Variants in GRAMD1B observed in about 807,000 individuals in gnomAD.
The protein encoded by GRAMD1B is GRAM domain containing 1B.
Under a neutral mutation model 99.7 loss-of-function variants are expected in GRAMD1B, and 37 were observed. The ratio of observed to expected loss-of-function variants is 0.37; its 90% confidence interval spans 0.29 to 0.49. The LOEUF is 0.49. Ranked by LOEUF, GRAMD1B falls within the 20% of genes least tolerant of loss-of-function variation. The probability of loss-of-function intolerance (pLI) is 0.98; values close to 1 mark genes in which losing one functional copy is unlikely to be tolerated. For missense variants in GRAMD1B, 888 were observed against 1,009.2 expected, an observed-to-expected ratio of 0.88 and a Z score of 1.63; for synonymous variants, 427 against 387.6, an observed-to-expected ratio of 1.10 and a Z score of -1.19.
intron 2 of GRAMD1B, among the ~76,000 whole-genome samples, chr11:123,559,465 G>A (rs756592157): frequency 1.3e-5 from 2 of 152,134 alleles, no homozygotes; most frequent in African/African-American, 2.4e-5. Flanking sequence ...ATTGTGGTGG[G>A]AATGAAATGA....
chr11:123,374,512 C>T, intron 1 of GRAMD1B, among the ~76,000 whole-genome samples: 1 of 152,198 alleles, frequency 6.6e-6, no homozygotes, highest in South Asian at 2.1e-4. Flanking sequence ...AGCAGCCTAA[C>T]TCACGTCTAA....
At chr11:123,435,937 C>CTT (rs10647186) in intron 1 of GRAMD1B, among the ~76,000 whole-genome samples, 1,805 of 95,704 alleles carry the variant, frequency 0.019, 89 homozygotes, top group African/African-American at 0.04. Flanking sequence ...GAAACTCATA[C>CTT]TTTTTTTTTT....
chr11:123,562,537 G>A (rs564044638), intron 2 of GRAMD1B, among the ~76,000 whole-genome samples: 328 of 152,338 alleles, frequency 2.2e-3, no homozygotes, highest in Admixed American at 4.2e-3. Flanking sequence ...TATGGACTCT[G>A]AAATGTGGAT....
chr11:123,368,127 G>A (rs999992264), intron 1 of GRAMD1B, among the ~76,000 whole-genome samples: 4 of 151,916 alleles, frequency 2.6e-5, no homozygotes, highest in African/African-American at 9.7e-5. Context: ...GGTGGTGGAT[G>A]CCTGTGGTCC....
At chr11:123,368,134 G>A (rs1946383599) in intron 1 of GRAMD1B, among the ~76,000 whole-genome samples, 1 of 151,502 alleles carries the variant, frequency 6.6e-6, no homozygotes, top group Non-Finnish European at 1.5e-5. Context: ...GATGCCTGTG[G>A]TCCCAGCTGC....
intron 1 of GRAMD1B, among the ~76,000 whole-genome samples, chr11:123,438,338 C>A (rs903357936): frequency 6.6e-6 from 1 of 152,126 alleles, no homozygotes; most frequent in African/African-American, 2.4e-5. Context: ...ACTGCCCTAT[C>A]CCCCCAGGGC....
At chr11:123,435,710 A>C (rs1949127607) in intron 1 of GRAMD1B, 2 of 402,674 alleles carry the variant, frequency 5.0e-6, no homozygotes, top group African/African-American at 4.0e-5. Flanking sequence ...CTTTTTCTCT[A>C]CTGTTTAAAG....
intron 17 of GRAMD1B, chr11:123,618,249 C>A: frequency 1.0e-6 from 1 of 997,558 alleles, no homozygotes; most frequent in African/African-American, 1.6e-5. Flanking sequence ...CTCTCACTCA[C>A]TCCCAGGTTG....
intron 1 of GRAMD1B, among the ~76,000 whole-genome samples, chr11:123,395,982 T>C (rs565192795): frequency 1.1e-4 from 16 of 152,298 alleles, no homozygotes; most frequent in African/African-American, 3.8e-4. Flanking sequence ...CTGTAATCTA[T>C]TTATTAGTAG....
At chr11:123,618,260 A>G in intron 17 of GRAMD1B, 2 of 1,143,992 alleles carry the variant, frequency 1.7e-6, no homozygotes, top group Non-Finnish European at 1.3e-6. Flanking sequence ...TCCCAGGTTG[A>G]TTTTCAGTGC....
intron 2 of GRAMD1B, among the ~76,000 whole-genome samples, chr11:123,505,772 G>A (rs1940363657): frequency 6.6e-6 from 1 of 152,110 alleles, no homozygotes; most frequent in Non-Finnish European, 1.5e-5. Context: ...AGGCACTGAA[G>A]CAGATACACA....
At chr11:123,611,426 C>T (rs982186564) in intron 14 of GRAMD1B, among the ~76,000 whole-genome samples, 2 of 152,058 alleles carry the variant, frequency 1.3e-5, no homozygotes, top group African/African-American at 2.4e-5. Context: ...AGAGTAAGAC[C>T]CTATCTCTTA....
chr11:123,457,769 T>C (rs914816850), intron 1 of GRAMD1B, among the ~76,000 whole-genome samples: 6 of 152,134 alleles, frequency 3.9e-5, no homozygotes, highest in Non-Finnish European at 8.8e-5. Context: ...TGGGCTGGAG[T>C]GCGCTGGTGC....
chr11:123,392,076 C>T (rs1249780425), intron 1 of GRAMD1B, among the ~76,000 whole-genome samples: 1 of 152,006 alleles, frequency 6.6e-6, no homozygotes, highest in Non-Finnish European at 1.5e-5. Context: ...TTCATGGATC[C>T]TGGGGGAAGA....
At chr11:123,536,241 C>A (rs1213271234) in intron 2 of GRAMD1B, among the ~76,000 whole-genome samples, 2 of 152,012 alleles carry the variant, frequency 1.3e-5, no homozygotes, top group Non-Finnish European at 2.9e-5. Flanking sequence ...ATGGTGAAAC[C>A]CCATCTCTAC....
chr11:123,522,342 A>G (rs146292557), intron 2 of GRAMD1B, among the ~76,000 whole-genome samples: 1 of 151,800 alleles, frequency 6.6e-6, no homozygotes, highest in Non-Finnish European at 1.5e-5. Context: ...TCTCTTTTGG[A>G]TGGTCTTGCT....
At chr11:123,407,416 G>T (rs1298742980) in intron 1 of GRAMD1B, among the ~76,000 whole-genome samples, 1 of 152,188 alleles carries the variant, frequency 6.6e-6, no homozygotes, top group African/African-American at 2.4e-5. Context: ...TTGGGAAGGG[G>T]CTGGCATGTT....
intron 12 of GRAMD1B, among the ~76,000 whole-genome samples, chr11:123,609,516 A>G (rs1166373152): frequency 1.3e-5 from 2 of 151,934 alleles, no homozygotes; most frequent in Non-Finnish European, 2.9e-5. Flanking sequence ...TGTTGCCAGC[A>G]CCCCCGTAGG....
chr11:123,589,614 T>TATATATATATA lies in GRAMD1B; in HGVS notation c.685-4468_685-4467insATATATATATA, dbSNP rs1555089174. 3.4e-3 allele frequency among the ~76,000 whole-genome samples: 441 copies of TATATATATATA among 128,230 alleles called. 6 individuals are homozygous for TATATATATATA. Among genetic ancestry groups the TATATATATATA allele is most frequent in the African/African-American group, 4.6e-3 (132 of 28,524 alleles). The allele number at this position is 128,230 out of a possible 152,430, so 84.1% of individuals were successfully genotyped here. A position where few individuals can be genotyped will look rare whatever the true frequency, so the allele number is the denominator to read the frequency against. ...ACCTGCCACCATGTGTGGCTAATTT[T>TATATATATATA]TATATATATATATATATATATATTT... is the stretch of plus-strand genomic sequence containing the variant. On this transcript the variant is annotated intron_variant, in intron 4 of 19. Transcript: ENST00000635736.
Sources: gnomAD v4.1 joint callset for allele counts (sites outside exome capture counted in the v4.1 genomes callset) on GRCh38, gnomAD v4.1.1 for gene constraint, MANE v1.5 for transcripts, NCBI Gene and HGNC (gene_info 2026-07-23, HGNC 2026-07-21) for gene names.